SPAG16: variants seen among roughly 807,000 people sequenced by gnomAD.
SPAG16 encodes the protein sperm-associated antigen 16 protein.
A neutral mutation model predicts 80.4 loss-of-function variants in SPAG16; 86 were observed. The ratio of observed to expected loss-of-function variants is 1.07; its 90% CI spans 0.90 to 1.28. The LOEUF is 1.28. Among genes scored for constraint, SPAG16 ranks in the 50% most tolerant of loss-of-function variants. SPAG16 has a pLI of 0.00. For missense variants in SPAG16, 870 were observed against 765.3 expected, an observed-to-expected ratio of 1.14 and a Z score of -1.61; for synonymous variants, 294 against 265.9, an observed-to-expected ratio of 1.11 and a Z score of -1.03.
intron 10 of SPAG16, among the ~76,000 whole-genome samples, chr2:213,701,046 C>G (rs2065391359): frequency 6.6e-6 from 1 of 152,018 alleles, no homozygotes; most frequent in Non-Finnish European, 1.5e-5. Context: ...TCCAGACCAG[C>G]CTGGCCAACA....
chr2:213,801,657 G>C (rs192835367), intron 10 of SPAG16, among the ~76,000 whole-genome samples: 1 of 152,278 alleles, frequency 6.6e-6, no homozygotes, highest in East Asian at 1.9e-4. Flanking sequence ...AGAAAATGGA[G>C]GTTGACAGAT....
At chr2:214,391,972 C>T (rs76147171) in intron 15 of SPAG16, among the ~76,000 whole-genome samples, 94 of 152,264 alleles carry the variant, frequency 6.2e-4, no homozygotes, top group African/African-American at 2.1e-3. Flanking sequence ...ATGAACACAA[C>T]GCAGAGATTT....
intron 10 of SPAG16, among the ~76,000 whole-genome samples, chr2:213,800,027 G>T (rs1047984841): frequency 6.6e-6 from 1 of 150,492 alleles, no homozygotes; most frequent in African/African-American, 2.4e-5. Context: ...TCTTTTAAAA[G>T]TTCTTTAGTT....
chr2:214,394,687 C>A (rs1041943500), intron 15 of SPAG16, among the ~76,000 whole-genome samples: 6 of 152,162 alleles, frequency 3.9e-5, no homozygotes, highest in Non-Finnish European at 8.8e-5. Context: ...ATCAAAATCC[C>A]CTGCCAGAGT....
intron 10 of SPAG16, among the ~76,000 whole-genome samples, chr2:213,560,884 G>T (rs1367655221): frequency 3.3e-5 from 5 of 152,142 alleles, no homozygotes; most frequent in Non-Finnish European, 7.4e-5. Context: ...TTGTGGGGGA[G>T]ATGGAGTCTT....
chr2:213,993,422 G>A (rs1245722604), intron 12 of SPAG16, among the ~76,000 whole-genome samples: 2 of 152,102 alleles, frequency 1.3e-5, no homozygotes, highest in Non-Finnish European at 2.9e-5. Context: ...CAAATAATTT[G>A]TTAACTATGG....
In SPAG16 at chr2:214,111,284, T is replaced by C. The variant is rs180696350; in HGVS notation, c.1593+3023T>C. Among the ~76,000 whole-genome samples, 51 of 152,224 alleles carry C rather than the reference T, an allele frequency of 3.4e-4. No individual in the cohort carries two copies. The East Asian group carries it at 8.1e-3, about 24-fold the overall frequency. ...TTTAGGTCTAACATTGAAGTCTTTATTCCATCTTGAATTAATTTTTGTATA... is the reference window on the plus strand; with the variant it reads ...TTTAGGTCTAACATTGAAGTCTTTACTCCATCTTGAATTAATTTTTGTATA... On this transcript the variant is annotated intron_variant, in intron 14 of 15. Coordinates refer to ENST00000331683, the MANE Select transcript of SPAG16 (RefSeq NM_024532.5).
chr2:213,807,528 C>T (rs1218640252), intron 10 of SPAG16, among the ~76,000 whole-genome samples: 1 of 152,150 alleles, frequency 6.6e-6, no homozygotes, highest in Non-Finnish European at 1.5e-5. Context: ...CTTCATGAGA[C>T]TGACTTGATG....
intron 15 of SPAG16, among the ~76,000 whole-genome samples, chr2:214,250,757 T>TATATATATATAG (rs1475343777): frequency 1.1e-4 from 10 of 91,276 alleles, no homozygotes; most frequent in African/African-American, 4.1e-4. Flanking sequence ...TATATATATA[T>TATATATATATAG]AGAGAGAGAG....
At chr2:214,175,082 G>T (rs2125646692) in intron 15 of SPAG16, among the ~76,000 whole-genome samples, 1 of 151,346 alleles carries the variant, frequency 6.6e-6, no homozygotes, top group South Asian at 2.1e-4. Context: ...TTCTTGGGTT[G>T]CAGTCAACAG....
intron 10 of SPAG16, among the ~76,000 whole-genome samples, chr2:213,648,323 G>A (rs779747594): frequency 1.3e-5 from 2 of 151,904 alleles, no homozygotes; most frequent in Non-Finnish European, 2.9e-5. Context: ...AAAAAAAAAT[G>A]TAGCACAGAT....
At chr2:213,453,175 A>G (rs909312312) in intron 9 of SPAG16, among the ~76,000 whole-genome samples, 2 of 152,192 alleles carry the variant, frequency 1.3e-5, no homozygotes, top group African/African-American at 2.4e-5. Context: ...ACTTATCAAT[A>G]TCATTCTTGA....
intron 9 of SPAG16, among the ~76,000 whole-genome samples, chr2:213,468,517 C>T (rs60219499): frequency 8.9e-6 from 1 of 111,924 alleles, no homozygotes; most frequent in African/African-American, 4.6e-5. Context: ...ATATATATAT[C>T]TATGTATTTA....
At chr2:213,300,844 C>A (rs937118218) in intron 3 of SPAG16, among the ~76,000 whole-genome samples, 1 of 151,708 alleles carries the variant, frequency 6.6e-6, no homozygotes, top group Admixed American at 6.6e-5. Context: ...TAAAGTGTTG[C>A]GAGAACATAA....
chr2:213,431,595 C>T (rs945374840), intron 9 of SPAG16, among the ~76,000 whole-genome samples: 2 of 151,842 alleles, frequency 1.3e-5, no homozygotes, highest in South Asian at 4.2e-4. Flanking sequence ...CCAGAGGACA[C>T]AGATTCATAA....
chr2:214,111,433 ATAGT>A (rs1336038228), intron 14 of SPAG16, among the ~76,000 whole-genome samples: 1 of 152,112 alleles, frequency 6.6e-6, no homozygotes. Flanking sequence ...CAAAGATCAG[ATAGT>A]TGTAGATGTG....
At chr2:213,726,662 A>G (rs2066782055) in intron 10 of SPAG16, among the ~76,000 whole-genome samples, 1 of 152,228 alleles carries the variant, frequency 6.6e-6, no homozygotes, top group South Asian at 2.1e-4. Context: ...TGCTTTGAAC[A>G]TTTCAAGAGC....
intron 10 of SPAG16, among the ~76,000 whole-genome samples, chr2:213,654,867 T>C: frequency 6.6e-6 from 1 of 152,290 alleles, no homozygotes; most frequent in Middle Eastern, 3.4e-3. Flanking sequence ...TCAAAAATAA[T>C]TTAAAAATTT....
intron 13 of SPAG16, among the ~76,000 whole-genome samples, chr2:214,078,530 T>C: frequency 9.6e-6 from 1 of 104,466 alleles, no homozygotes; most frequent in Admixed American, 9.8e-5. Flanking sequence ...TAAGAGCCTG[T>C]CTCAAAAAAA....
Sources: gnomAD v4.1 joint callset for allele counts (sites outside exome capture counted in the v4.1 genomes callset) on GRCh38, gnomAD v4.1.1 for gene constraint, MANE v1.5 for transcripts, NCBI Gene and HGNC (gene_info 2026-07-23, HGNC 2026-07-21) for gene names.